Variants in FGF10 observed in about 807,000 individuals in gnomAD.
FGF10 encodes the protein fibroblast growth factor 10.
A neutral mutation model predicts 19.8 loss-of-function variants in FGF10; 2 were observed. That is an observed-to-expected ratio of 0.10 (90% confidence interval 0.04 to 0.32). The LOEUF (loss-of-function observed/expected upper bound fraction) is 0.32. FGF10 is among the 10% of genes least tolerant of loss of function. FGF10 has a pLI of 1.00. For synonymous variants in FGF10, 112 were observed against 94.0 expected (o/e 1.19, Z -1.10); for missense variants, 191 against 246.3 (o/e 0.78, Z 1.50).
chr5:44,366,972 TAA>T (rs1741630258), intron 1 of FGF10, among the ~76,000 whole-genome samples: 1 of 152,024 alleles, frequency 6.6e-6, no homozygotes, highest in South Asian at 2.1e-4. Context: ...GCTTTCTTTG[TAA>T]AAGAGTATGT....
intron 1 of FGF10, among the ~76,000 whole-genome samples, chr5:44,339,327 T>C (rs72763190): frequency 0.072 from 10,885 of 152,202 alleles, 522 homozygotes; most frequent in Middle Eastern, 0.11. Flanking sequence ...ATGTTACACA[T>C]ATTATAATTT....
chr5:44,376,741 A>G (rs1741876520), intron 1 of FGF10, among the ~76,000 whole-genome samples: 1 of 152,138 alleles, frequency 6.6e-6, no homozygotes, highest in East Asian at 1.9e-4. Context: ...CCATGTCCCT[A>G]GTATAAAATT....
chr5:44,388,975 T>C lies in FGF10; in HGVS notation c.-293A>G. Reference sequence around the variant, plus strand: ...CTGGTGGTGGCGTTGGTGGTGTTGGTCACCAGCGCTCTTCGCTCCCCCAGG... The same window carrying C: ...CTGGTGGTGGCGTTGGTGGTGTTGGCCACCAGCGCTCTTCGCTCCCCCAGG... On this transcript the variant is annotated 5_prime_UTR_variant, in exon 1 of 3. Coordinates refer to ENST00000264664, the MANE Select transcript of FGF10 (RefSeq NM_004465.2). 1.9e-6 allele frequency: 1 copy of C among 538,026 alleles called. No homozygotes were observed. Among genetic ancestry groups the C allele is most frequent in the Non-Finnish European group, 3.4e-6 (1 of 297,172 alleles). The allele number at this position is 538,026 out of a possible 1,614,324, so 33.3% of individuals were successfully genotyped here. A position where few individuals can be genotyped will look rare whatever the true frequency, so the allele number is the denominator to read the frequency against.
intron 1 of FGF10, 139 bp downstream of exon 1, chr5:44,388,219 G>T: frequency 1.2e-6 from 1 of 833,114 alleles, no homozygotes; most frequent in Non-Finnish European, 2.0e-6. Flanking sequence ...GTGAATTAGT[G>T]TGAAAGTATT....
At chr5:44,378,598 A>AT (rs1233876727) in intron 1 of FGF10, among the ~76,000 whole-genome samples, 5 of 151,986 alleles carry the variant, frequency 3.3e-5, no homozygotes, top group African/African-American at 1.2e-4. Flanking sequence ...CGCCCGGCTA[A>AT]TTTTTTGTAT....
chr5:44,369,551 C>T (rs1413580426), intron 1 of FGF10, among the ~76,000 whole-genome samples: 1 of 152,080 alleles, frequency 6.6e-6, no homozygotes, highest in Non-Finnish European at 1.5e-5. Context: ...CCCAGCTCTT[C>T]CTCATAAATA....
intron 1 of FGF10, among the ~76,000 whole-genome samples, chr5:44,375,918 G>A (rs1021581223): frequency 6.6e-6 from 1 of 152,016 alleles, no homozygotes; most frequent in African/African-American, 2.4e-5. Context: ...AACATAGTAT[G>A]GGTATAACAA....
chr5:44,386,882 A>G lies in FGF10; in HGVS notation c.325+1476T>C, dbSNP rs189421766. ...AAATTCTTAATTCTTGTAAATTTGT[A>G]TTCAAAAATAAAATGCTAAATTCTG... On this transcript the variant is annotated intron_variant, in intron 1 of 2. Coordinates refer to ENST00000264664, the MANE Select transcript of FGF10 (RefSeq NM_004465.2). Among the ~76,000 whole-genome samples, 9 of 152,328 alleles carry G rather than the reference A, an allele frequency of 5.9e-5. No homozygotes were observed. In the East Asian group the frequency reaches 1.7e-3, roughly 29 times the overall value.
intron 1 of FGF10, among the ~76,000 whole-genome samples, chr5:44,387,291 T>C (rs917251320): frequency 3.3e-5 from 5 of 152,006 alleles, no homozygotes; most frequent in African/African-American, 1.2e-4. Context: ...TCTAGTTCTC[T>C]TCCCCCAACC....
intron 1 of FGF10, among the ~76,000 whole-genome samples, chr5:44,378,118 GAATAC>G: frequency 6.6e-6 from 1 of 152,294 alleles, no homozygotes; most frequent in Admixed American, 6.5e-5. Context: ...AGCATCACCA[GAATAC>G]CTGTATCAGC....
chr5:44,328,402 T>G (rs770454501), intron 1 of FGF10, among the ~76,000 whole-genome samples: 14 of 152,182 alleles, frequency 9.2e-5, no homozygotes, highest in Non-Finnish European at 2.1e-4. Flanking sequence ...CCCTTACAAT[T>G]ATCTTATCTA....
At chr5:44,322,496 AATGGATCC>A (rs1374248689) in intron 1 of FGF10, among the ~76,000 whole-genome samples, 1 of 152,216 alleles carries the variant, frequency 6.6e-6, no homozygotes, top group Non-Finnish European at 1.5e-5. Context: ...ACTGGGAAGA[AATGGATCC>A]ATGACCCATT....
In FGF10 at chr5:44,349,575, C is replaced by T. The variant is rs538875090; in HGVS notation, c.325+38783G>A. 1.7e-3 allele frequency among the ~76,000 whole-genome samples: 244 copies of T among 145,616 alleles called. 1 individual carries two copies. The highest frequency in any genetic ancestry group is 8.0e-4 in the Non-Finnish European group (53 of 65,842). On this transcript the variant is annotated intron_variant, in intron 1 of 2. Transcript: ENST00000264664. Reference sequence around the variant, plus strand: ...AGGCTTTAGTCTCTTATTTTGAAATCACTAAGTTAGATATGGCCAAAGTGT... The same window carrying T: ...AGGCTTTAGTCTCTTATTTTGAAATTACTAAGTTAGATATGGCCAAAGTGT...
intron 1 of FGF10, among the ~76,000 whole-genome samples, chr5:44,341,719 A>G (rs979641573): frequency 1.3e-5 from 2 of 151,980 alleles, no homozygotes; most frequent in Non-Finnish European, 2.9e-5. Context: ...GTAAGAACAG[A>G]AACATTTCTG....
chr5:44,386,317 T>C (rs1435494246), intron 1 of FGF10, among the ~76,000 whole-genome samples: 3 of 152,118 alleles, frequency 2.0e-5, no homozygotes, highest in Non-Finnish European at 2.9e-5. Context: ...ACATTTAAAG[T>C]ATAGCACAAA....
intron 1 of FGF10, among the ~76,000 whole-genome samples, chr5:44,349,406 T>C (rs1439356225): frequency 2.7e-5 from 3 of 109,820 alleles, no homozygotes; most frequent in East Asian, 5.6e-4. Flanking sequence ...CCTAAGAAAA[T>C]GGGAAAGCAT....
intron 1 of FGF10, among the ~76,000 whole-genome samples, chr5:44,374,885 A>AT (rs11415617): frequency 0.95 from 143,956 of 152,058 alleles, 68,543 homozygotes; most frequent in East Asian, 1. Flanking sequence ...ATGATTACAC[A>AT]TTTTTTTAAT....
intron 1 of FGF10, among the ~76,000 whole-genome samples, chr5:44,339,707 T>C (rs1363524686): frequency 1.3e-5 from 2 of 152,118 alleles, no homozygotes; most frequent in African/African-American, 2.4e-5. Context: ...CTATCTTTAA[T>C]GTCATGCTTT....
At chr5:44,317,378 G>T (rs917613652) in intron 1 of FGF10, among the ~76,000 whole-genome samples, 2 of 152,078 alleles carry the variant, frequency 1.3e-5, no homozygotes, top group African/African-American at 4.8e-5. Flanking sequence ...TCAAGTCATA[G>T]GATAAATACA....
Sources: gnomAD v4.1 joint callset for allele counts (sites outside exome capture counted in the v4.1 genomes callset) on GRCh38, gnomAD v4.1.1 for gene constraint, MANE v1.5 for transcripts, NCBI Gene and HGNC (gene_info 2026-07-23, HGNC 2026-07-21) for gene names.